NDUFS3: variants seen among roughly 807,000 people sequenced by gnomAD.
The protein encoded by NDUFS3 is NADH dehydrogenase [ubiquinone] iron-sulfur protein 3, mitochondrial.
A neutral mutation model predicts 30.8 loss-of-function variants in NDUFS3; 19 were observed. The observed-to-expected ratio is 0.62, with a 90% CI of 0.43 to 0.91. NDUFS3 has a LOEUF of 0.91. Among genes scored for constraint, NDUFS3 ranks in the 40% least tolerant of loss-of-function variants. The pLI is 0.00. For synonymous variants in NDUFS3, 153 were observed against 135.8 expected, an observed-to-expected ratio of 1.13 and a Z score of -0.88; for missense variants, 331 against 342.0, an observed-to-expected ratio of 0.97 and a Z score of 0.25.
At position 47,582,257 on chromosome 11, in the gene NDUFS3, C is replaced by T; in HGVS notation, c.507+44C>T. The T allele has an allele frequency of 2.5e-6, 4 of 1,614,212 alleles. No individual in the cohort carries two copies. In the South Asian group the frequency reaches 4.4e-5, roughly 18 times the overall value. On this transcript the variant is annotated intron_variant, in intron 5 of 6. Coordinates refer to ENST00000263774, the MANE Select transcript of NDUFS3 (RefSeq NM_004551.3). ...TGGACCTGCCTCTGGGCCACAGTTG[C>T]AGAACTGGTTCAGACTACGGGATGC... is the stretch of plus-strand genomic sequence containing the variant.
rs1432396576 is a variant in NDUFS3, at chr11:47,582,218, G to A, written c.507+5G>A. On this transcript the variant is annotated splice_donor_5th_base_variant and intron_variant, in intron 5 of 6. Coordinates refer to ENST00000263774, the MANE Select transcript of NDUFS3 (RefSeq NM_004551.3). ...GCCAACTGGTATGAAAGGGAGGTGAGTTACCGGATATGGTGGACCTGCCTC... is the reference window on the plus strand; with the variant it reads ...GCCAACTGGTATGAAAGGGAGGTGAATTACCGGATATGGTGGACCTGCCTC... 1.7e-5 allele frequency: 27 copies of A among 1,614,082 alleles called. No homozygotes were observed. The highest frequency in any genetic ancestry group is 1.9e-5 in the Non-Finnish European group (23 of 1,180,058).
At chr11:47,580,694 A>G in intron 3 of NDUFS3, 72 bp downstream of exon 3, 3 of 1,586,508 alleles carry the variant, frequency 1.9e-6, no homozygotes, top group Non-Finnish European at 2.6e-6. Flanking sequence ...GGGAGTGGGC[A>G]GACTTGTTTC....
intron 6 of NDUFS3, among the ~76,000 whole-genome samples, chr11:47,583,793 TG>T (rs1410642450): frequency 6.6e-6 from 1 of 152,176 alleles, no homozygotes; most frequent in African/African-American, 2.4e-5. Context: ...TCACCTGGTT[TG>T]CCTCTTCACT....
intron 6 of NDUFS3, 36 bp downstream of exon 6, chr11:47,582,504 A>G: frequency 6.2e-7 from 1 of 1,613,766 alleles, no homozygotes; most frequent in Non-Finnish European, 8.5e-7. Flanking sequence ...AGCCTCAGGG[A>G]GGGACTTGCA....
At chr11:47,580,024 CACACA>C (rs2097267473) in intron 2 of NDUFS3, among the ~76,000 whole-genome samples, 2 of 134,984 alleles carry the variant, frequency 1.5e-5, no homozygotes, top group African/African-American at 5.4e-5. Context: ...CACACACACA[CACACA>C]CCTGGGCCTC....
intron 4 of NDUFS3, 112 bp from the exon 5 acceptor site, chr11:47,581,976 A>G (rs2097269007): frequency 7.0e-7 from 1 of 1,420,618 alleles, no homozygotes; most frequent in Admixed American, 1.7e-5. Flanking sequence ...AGTTGTAAGC[A>G]TAGGAGAATC....
Position 47,579,108 on chromosome 11 carries a change from T to C in NDUFS3, c.17T>C (p.Val6Ala), listed in dbSNP as rs1458590227. The change falls in exon 1 of 7, where the codon GTA becomes GCA. Residue 6 changes from valine to alanine, a missense_variant. Val to Ala is a moderately conservative substitution (Grantham distance 64, BLOSUM62 0). Transcript: ENST00000263774. ...CTGAGTAACATGGCGGCGGCGGCGG[T>C]AGCCAGGCTGTGGTGGCGCGGGATC... MAAAA[V>A]ARLWWRGILG... is the part of the protein sequence containing the mutation. The C allele has an allele frequency of 3.8e-6, 6 of 1,578,546 alleles. No homozygotes were observed. The highest frequency in any genetic ancestry group is 3.3e-4 in the Middle Eastern group (2 of 6,014).
intron 4 of NDUFS3, 49 bp from the exon 5 acceptor site, chr11:47,582,039 C>T (rs1185790223): frequency 6.2e-7 from 1 of 1,609,812 alleles, no homozygotes; most frequent in South Asian, 1.1e-5. Context: ...AGAACTCTCC[C>T]AATCAGGGAC....
At chr11:47,582,946 G>A (rs56668229) in intron 6 of NDUFS3, among the ~76,000 whole-genome samples, 9 of 152,006 alleles carry the variant, frequency 5.9e-5, no homozygotes, top group Non-Finnish European at 1.2e-4. Flanking sequence ...GCAGTGAGCC[G>A]AGATCACGCC....
chr11:47,582,181 G>C lies in NDUFS3; in HGVS notation c.475G>C (p.Val159Leu), dbSNP rs148331180. 5,526 of 1,614,204 alleles carry C rather than the reference G, an allele frequency of 3.4e-3. 17 individuals are homozygous for C. Among genetic ancestry groups the C allele is most frequent in the Non-Finnish European group, 4.1e-3 (4,887 of 1,180,038 alleles). ...ELTPIESAVSVFKAANWYERE... is the reference protein window; with the variant it reads ...ELTPIESAVSLFKAANWYERE... ...GACGCCCATTGAGTCTGCTGTCTCTGTGTTCAAGGCAGCCAACTGGTATGA... is the reference window on the plus strand; with the variant it reads ...GACGCCCATTGAGTCTGCTGTCTCTCTGTTCAAGGCAGCCAACTGGTATGA... The change falls in exon 5 of 7, where the codon GTG becomes CTG. Residue 159 changes from valine (V) to leucine (L), a missense_variant. By Grantham distance (32) the Val-to-Leu change is conservative. Coordinates refer to ENST00000263774, the MANE Select transcript of NDUFS3 (RefSeq NM_004551.3).
At chr11:47,582,668 A>G (rs1288557966) in intron 6 of NDUFS3, among the ~76,000 whole-genome samples, 200 bp downstream of exon 6, 2 of 152,228 alleles carry the variant, frequency 1.3e-5, no homozygotes, top group African/African-American at 2.4e-5. Context: ...TCATCTTAAA[A>G]TGGCAATAAT....
chr11:47,584,288 C>T (rs1200882084), intron 6 of NDUFS3, 26 bp from the exon 7 acceptor site: 4 of 1,613,674 alleles, frequency 2.5e-6, no homozygotes, highest in Non-Finnish European at 3.4e-6. Context: ...TTCCTTAGTG[C>T]TCAAGCCTGC....
rs746195179 is a variant in NDUFS3, at chr11:47,584,304, G to C, written c.628-10G>C. On this transcript the variant is annotated splice_polypyrimidine_tract_variant and intron_variant, in intron 6 of 6. Coordinates refer to ENST00000263774, the MANE Select transcript of NDUFS3 (RefSeq NM_004551.3). ...TCCTTAGTGCTCAAGCCTGCCTTTT[G>C]CTCCTGCAGTTACGTTATGATGATG... The C allele has an allele frequency of 1.9e-6, 3 of 1,613,940 alleles. No individual in the cohort carries two copies. The highest frequency in any genetic ancestry group is 2.2e-5 in the South Asian group (2 of 91,082).
rs749234254 is a variant in NDUFS3, at chr11:47,580,656, A to C, written c.231+34A>C. The C allele has an allele frequency of 6.2e-6, 10 of 1,607,854 alleles. No individual in the cohort carries two copies. In the South Asian group the frequency reaches 9.9e-5, roughly 16 times the overall value. Reference sequence around the variant, plus strand: ...TACTAATGTTATTTGGGTCTGGGTCAAGAAAGAACCATGTTCGCAGGGCAT... The same window carrying C: ...TACTAATGTTATTTGGGTCTGGGTCCAGAAAGAACCATGTTCGCAGGGCAT... On this transcript the variant is annotated intron_variant, in intron 3 of 6. Coordinates refer to ENST00000263774, the MANE Select transcript of NDUFS3 (RefSeq NM_004551.3).
chr11:47,583,200 A>ACCAACATGC (rs1171550394), intron 6 of NDUFS3, among the ~76,000 whole-genome samples: 1 of 151,878 alleles, frequency 6.6e-6, no homozygotes, highest in African/African-American at 2.4e-5. Flanking sequence ...ACAGGCATGC[A>ACCAACATGC]CCAACATGCC....
chr11:47,580,273 T>A (rs945327102), intron 2 of NDUFS3, among the ~76,000 whole-genome samples: 1 of 152,150 alleles, frequency 6.6e-6, no homozygotes, highest in Non-Finnish European at 1.5e-5. Context: ...AACTGTGGAG[T>A]AATTTTGAGA....
rs778739611 is a variant in NDUFS3, at chr11:47,579,279, A to G, written c.78A>G (p.Arg26=). Residue 26 remains arginine (R), a synonymous_variant, in exon 2 of 7, where the codon CGA becomes CGG. Coordinates refer to ENST00000263774, the MANE Select transcript of NDUFS3 (RefSeq NM_004551.3). ...GASALTRGTG[R]PSVLLLPVRR... is the part of the protein sequence containing the mutation. ...TATCTCCCTGTGCAGGGACTGGGCG[A>G]CCCTCCGTTCTGTTGCTGCCGGTGA... is the stretch of plus-strand genomic sequence containing the variant. 2 of 1,613,658 alleles carry G rather than the reference A, an allele frequency of 1.2e-6. No individual in the cohort carries two copies. The highest frequency in any genetic ancestry group is 1.7e-5 in the Admixed American group (1 of 59,980).
intron 6 of NDUFS3, among the ~76,000 whole-genome samples, chr11:47,583,572 AG>A (rs1212560800): frequency 1.3e-5 from 2 of 152,218 alleles, no homozygotes; most frequent in Non-Finnish European, 2.9e-5. Flanking sequence ...GGTTATTTGC[AG>A]GAAGATAGTG....
chr11:47,580,296 C>T (rs1476282695), intron 2 of NDUFS3, among the ~76,000 whole-genome samples: 3 of 152,070 alleles, frequency 2.0e-5, no homozygotes, highest in Non-Finnish European at 2.9e-5. Context: ...AGGTGAACAC[C>T]CCAGCTGCTA....
Sources: allele counts gnomAD v4.1 joint callset (sites outside exome capture counted in the v4.1 genomes callset), GRCh38; gene constraint gnomAD v4.1.1; transcripts MANE v1.5; gene names NCBI Gene and HGNC (gene_info 2026-07-23, HGNC 2026-07-21).